TEAD1: variants seen among roughly 807,000 people sequenced by gnomAD.
The protein encoded by TEAD1 is transcriptional enhancer factor TEF-1.
A neutral mutation model predicts 54.9 loss-of-function variants in TEAD1; 9 were observed. That is an observed-to-expected ratio of 0.16 (90% CI 0.10 to 0.29). The LOEUF is 0.29. Ranked by LOEUF, TEAD1 falls within the 10% of genes least tolerant of loss-of-function variation. The pLI is 1.00. For missense variants in TEAD1, 387 were observed against 535.9 expected, an observed-to-expected ratio of 0.72 and a Z score of 2.74; for synonymous variants, 200 against 187.8, an observed-to-expected ratio of 1.07 and a Z score of -0.53.
chr11:12,914,637 C>G (rs1341052090), intron 10 of TEAD1, among the ~76,000 whole-genome samples: 3 of 152,252 alleles, frequency 2.0e-5, no homozygotes, highest in Non-Finnish European at 2.9e-5. Flanking sequence ...AAGGCACTTG[C>G]CTGCAAATGA....
At chr11:12,885,234 CTTTTTTT>C (rs10549378) in intron 9 of TEAD1, among the ~76,000 whole-genome samples, 1 of 105,058 alleles carries the variant, frequency 9.5e-6, no homozygotes, top group Non-Finnish European at 2.1e-5. Flanking sequence ...CTTGAATTGT[CTTTTTTT>C]TTTTTTTTTT....
At chr11:12,874,563 C>A (rs1200876554) in intron 5 of TEAD1, among the ~76,000 whole-genome samples, 1 of 152,194 alleles carries the variant, frequency 6.6e-6, no homozygotes, top group Non-Finnish European at 1.5e-5. Context: ...ATTTGTAAGG[C>A]TTCAGGCTGA....
chr11:12,918,552 TAGAG>T (rs1015443046), intron 10 of TEAD1, among the ~76,000 whole-genome samples: 36 of 152,092 alleles, frequency 2.4e-4, no homozygotes, highest in Non-Finnish European at 4.4e-5. Flanking sequence ...AATAATTAAA[TAGAG>T]AATTTTCTCA....
intron 3 of TEAD1, among the ~76,000 whole-genome samples, chr11:12,843,394 G>A (rs1413571690): frequency 6.6e-6 from 1 of 152,222 alleles, no homozygotes; most frequent in Non-Finnish European, 1.5e-5. Flanking sequence ...CAGTGTCTAC[G>A]AATTACTGTT....
At chr11:12,913,625 T>C (rs1948656800) in intron 10 of TEAD1, among the ~76,000 whole-genome samples, 1 of 152,212 alleles carries the variant, frequency 6.6e-6, no homozygotes, top group Non-Finnish European at 1.5e-5. Context: ...ATAAGTAGAG[T>C]TGTCAGATTT....
chr11:12,859,983 T>C (rs1465240654), intron 3 of TEAD1, among the ~76,000 whole-genome samples: 1 of 152,168 alleles, frequency 6.6e-6, no homozygotes, highest in Non-Finnish European at 1.5e-5. Flanking sequence ...AAACTGACTC[T>C]GATGCTATAG....
intron 10 of TEAD1, among the ~76,000 whole-genome samples, chr11:12,903,199 C>T (rs537616018): frequency 2.0e-4 from 30 of 152,166 alleles, no homozygotes; most frequent in African/African-American, 7.2e-4. Flanking sequence ...TCGTAGATCA[C>T]CAGAGACAGG....
At chr11:12,900,507 C>A (rs548132014) in intron 9 of TEAD1, among the ~76,000 whole-genome samples, 1 of 152,272 alleles carries the variant, frequency 6.6e-6, no homozygotes, top group South Asian at 2.1e-4. Flanking sequence ...TATTTAAACC[C>A]TGTAACAATC....
Position 12,944,706 on chromosome 11 carries a change from A to C in TEAD1, c.*7484A>C, listed in dbSNP as rs927442700. ...GAAACTTTGTATTCATACGGTATCAATGAAAAATAAAGAAAATGAAAGTGT... is the reference window on the plus strand; with the variant it reads ...GAAACTTTGTATTCATACGGTATCACTGAAAAATAAAGAAAATGAAAGTGT... On this transcript the variant is annotated 3_prime_UTR_variant, in exon 13 of 13. Coordinates refer to ENST00000527636, the MANE Select transcript of TEAD1 (RefSeq NM_021961.6). Among the ~76,000 whole-genome samples the C allele has an allele frequency of 6.6e-6, 1 of 152,218 alleles. No homozygotes were observed. Among genetic ancestry groups the C allele is most frequent in the Admixed American group, 6.5e-5 (1 of 15,282 alleles).
At chr11:12,676,351 A>G (rs879311187) in intron 2 of TEAD1, among the ~76,000 whole-genome samples, 39 of 152,130 alleles carry the variant, frequency 2.6e-4, no homozygotes, top group Non-Finnish European at 4.1e-4. Context: ...GGGAGATGTG[A>G]TCCACTGTGT....
chr11:12,737,182 C>T (rs1338289005), intron 2 of TEAD1, among the ~76,000 whole-genome samples: 1 of 152,212 alleles, frequency 6.6e-6, no homozygotes, highest in East Asian at 1.9e-4. Context: ...AAAGGAATTG[C>T]TCAGTTACAT....
At chr11:12,787,525 G>A (rs1945703565) in intron 3 of TEAD1, among the ~76,000 whole-genome samples, 1 of 152,152 alleles carries the variant, frequency 6.6e-6, no homozygotes, top group Admixed American at 6.5e-5. Context: ...TGGTGTTGAA[G>A]GAAGTTGTTT....
chr11:12,722,000 G>C (rs1944211928), intron 2 of TEAD1, among the ~76,000 whole-genome samples: 1 of 152,220 alleles, frequency 6.6e-6, no homozygotes, highest in Admixed American at 6.5e-5. Context: ...TAAATATTCT[G>C]ATTCACTGGG....
At chr11:12,680,623 T>C (rs1249242595) in intron 2 of TEAD1, among the ~76,000 whole-genome samples, 1 of 152,242 alleles carries the variant, frequency 6.6e-6, no homozygotes, top group African/African-American at 2.4e-5. Context: ...TCACCTGATC[T>C]ATCCCCGTAC....
chr11:12,750,289 G>A (rs1344582155), intron 2 of TEAD1, among the ~76,000 whole-genome samples: 1 of 151,712 alleles, frequency 6.6e-6, no homozygotes, highest in African/African-American at 2.4e-5. Context: ...TATGTTGAGT[G>A]CTTGAAGACA....
intron 2 of TEAD1, among the ~76,000 whole-genome samples, chr11:12,730,405 C>G (rs1944395376): frequency 7.4e-6 from 1 of 135,558 alleles, no homozygotes; most frequent in African/African-American, 2.8e-5. Context: ...ACTTTTGATT[C>G]CCAGTTGAGT....
chr11:12,841,869 C>T (rs377175520), intron 3 of TEAD1, among the ~76,000 whole-genome samples: 3 of 152,138 alleles, frequency 2.0e-5, no homozygotes, highest in East Asian at 3.9e-4. Flanking sequence ...TAATGGCAGA[C>T]TCCTAGCGTC....
intron 2 of TEAD1, among the ~76,000 whole-genome samples, chr11:12,703,562 A>C (rs112178649): frequency 6.6e-6 from 1 of 152,326 alleles, no homozygotes; most frequent in East Asian, 1.9e-4. Flanking sequence ...TCTTTAGCCC[A>C]TAAGTGTCTT....
At chr11:12,912,671 A>G (rs761850807) in intron 10 of TEAD1, among the ~76,000 whole-genome samples, 4 of 152,182 alleles carry the variant, frequency 2.6e-5, no homozygotes, top group Non-Finnish European at 5.9e-5. Context: ...TTCACAGGAT[A>G]GGATAGCTTG....
Sources: allele counts gnomAD v4.1 joint callset (sites outside exome capture counted in the v4.1 genomes callset), GRCh38; gene constraint gnomAD v4.1.1; transcripts MANE v1.5; gene names NCBI Gene and HGNC (gene_info 2026-07-23, HGNC 2026-07-21).